Variants in PTPRD observed in about 807,000 individuals in gnomAD.
The protein encoded by PTPRD is receptor-type tyrosine-protein phosphatase delta.
PTPRD carries 34 observed loss-of-function variants against 214.5 expected under a neutral mutation model. The ratio of observed to expected loss-of-function variants is 0.16; its 90% confidence interval spans 0.12 to 0.21. The LOEUF is 0.21. Among genes scored for constraint, PTPRD ranks in the 10% least tolerant of loss-of-function variants. The pLI is 1.00. For synonymous variants in PTPRD, 1,128 were observed against 845.7 expected, an observed-to-expected ratio of 1.33 and a Z score of -5.79; for missense variants, 2,545 against 2,398.7, an observed-to-expected ratio of 1.06 and a Z score of -1.27.
rs186336315 is a variant in PTPRD at position 9,565,867 on chromosome 9, T to C, written c.-237+8865A>G. Among the ~76,000 whole-genome samples, 202 of 152,050 alleles carry C rather than the reference T, an allele frequency of 1.3e-3. 1 individual carries two copies. Among genetic ancestry groups the C allele is most frequent in the Non-Finnish European group, 2.3e-3 (158 of 67,872 alleles). ...ATGGAATACAGAGAAATGAGATAAA[T>C]GAAAATGACCAAGTAACCCTACTTA... On this transcript the variant is annotated intron_variant, in intron 8 of 45. Transcript: ENST00000381196.
At chr9:9,512,412 G>T (rs1019690636) in intron 8 of PTPRD, among the ~76,000 whole-genome samples, 6 of 151,696 alleles carry the variant, frequency 4.0e-5, no homozygotes, top group Admixed American at 3.3e-4. Context: ...CCCTTGAAAA[G>T]GTAGAAGGGT....
At chr9:9,253,805 G>C (rs1265719278) in intron 9 of PTPRD, among the ~76,000 whole-genome samples, 1 of 152,046 alleles carries the variant, frequency 6.6e-6, no homozygotes, top group African/African-American at 2.4e-5. Flanking sequence ...TCACAAACTT[G>C]GTAAGTTAAA....
At chr9:10,597,196 AG>A (rs1173618782) in intron 2 of PTPRD, among the ~76,000 whole-genome samples, 1 of 151,616 alleles carries the variant, frequency 6.6e-6, no homozygotes, top group Non-Finnish European at 1.5e-5. Context: ...AGGACATAAA[AG>A]GGTTCCAAAA....
At chr9:9,748,595 G>A (rs1224521177) in intron 6 of PTPRD, among the ~76,000 whole-genome samples, 1 of 152,160 alleles carries the variant, frequency 6.6e-6, no homozygotes, top group South Asian at 2.1e-4. Context: ...GTACTGCTGA[G>A]GTACTGAAGG....
At chr9:10,480,611 A>G (rs1441035326) in intron 2 of PTPRD, among the ~76,000 whole-genome samples, 1 of 152,104 alleles carries the variant, frequency 6.6e-6, no homozygotes, top group Non-Finnish European at 1.5e-5. Context: ...TATTATCTCA[A>G]AGAAGAGAAT....
intron 8 of PTPRD, among the ~76,000 whole-genome samples, chr9:9,573,307 A>G (rs1554628900): frequency 1.3e-5 from 2 of 151,320 alleles, no homozygotes; most frequent in Non-Finnish European, 3.0e-5. Flanking sequence ...AAGCAAAGAT[A>G]CTTCTTATGT....
intron 11 of PTPRD, among the ~76,000 whole-genome samples, chr9:8,923,614 A>G (rs1292634293): frequency 2.0e-5 from 3 of 152,198 alleles, no homozygotes; most frequent in Non-Finnish European, 4.4e-5. Flanking sequence ...GACCTATTTT[A>G]AAAATGCAAA....
At chr9:9,462,012 C>T (rs181511979) in intron 8 of PTPRD, among the ~76,000 whole-genome samples, 3 of 152,134 alleles carry the variant, frequency 2.0e-5, no homozygotes, top group Admixed American at 2.0e-4. Flanking sequence ...TAGTAGTTGC[C>T]ATAACTTATT....
chr9:9,824,540 T>G (rs1169682512), intron 5 of PTPRD, among the ~76,000 whole-genome samples: 1 of 151,990 alleles, frequency 6.6e-6, no homozygotes, highest in Non-Finnish European at 1.5e-5. Context: ...CTGTAAAAAT[T>G]AATACAGCAA....
intron 2 of PTPRD, among the ~76,000 whole-genome samples, chr9:10,506,713 A>T (rs551785191): frequency 6.6e-6 from 1 of 152,318 alleles, no homozygotes; most frequent in Non-Finnish European, 1.5e-5. Flanking sequence ...TCCTGCAATC[A>T]GTGACATTTC....
At chr9:9,721,976 A>T (rs978015917) in intron 7 of PTPRD, among the ~76,000 whole-genome samples, 1 of 152,062 alleles carries the variant, frequency 6.6e-6, no homozygotes, top group African/African-American at 2.4e-5. Flanking sequence ...GTTTATGCCT[A>T]GATTAAGGTA....
chr9:8,739,798 A>T (rs78471068), intron 11 of PTPRD, among the ~76,000 whole-genome samples: 1 of 152,288 alleles, frequency 6.6e-6, no homozygotes, highest in East Asian at 1.9e-4. Context: ...TAACTGAATT[A>T]TAGGGGCAGG....
At chr9:8,638,844 T>G (rs1429412718) in intron 12 of PTPRD, among the ~76,000 whole-genome samples, 2 of 151,982 alleles carry the variant, frequency 1.3e-5, no homozygotes, top group African/African-American at 4.8e-5. Context: ...TTATTTATTT[T>G]TATTTATTTA....
chr9:9,249,202 C>T (rs997166566), intron 9 of PTPRD, among the ~76,000 whole-genome samples: 2 of 151,970 alleles, frequency 1.3e-5, no homozygotes, highest in Non-Finnish European at 2.9e-5. Context: ...TCTCCTTTCT[C>T]TCTTGCTCCC....
At chr9:8,957,903 A>C (rs1224098239) in intron 11 of PTPRD, among the ~76,000 whole-genome samples, 2 of 151,862 alleles carry the variant, frequency 1.3e-5, no homozygotes, top group Non-Finnish European at 2.9e-5. Context: ...CAAATGAAAA[A>C]AAAAATATCA....
rs73641900 is a variant in PTPRD at position 10,276,767 on chromosome 9, A to G, written c.-545+64196T>C. Among the ~76,000 whole-genome samples the G allele has an allele frequency of 3.5e-3, 529 of 152,314 alleles. 1 individual carries two copies. The highest frequency in any genetic ancestry group is 0.012 in the African/African-American group (503 of 41,564). On this transcript the variant is annotated intron_variant, in intron 3 of 45. Transcript: ENST00000381196. ...AGAAGGCCAGGTAGTAGAGAAAGTA[A>G]AGTACTCTTATTGTTAAAAAATTAT...
intron 10 of PTPRD, among the ~76,000 whole-genome samples, chr9:9,155,212 AT>A (rs2099880189): frequency 6.6e-6 from 1 of 152,126 alleles, no homozygotes; most frequent in Non-Finnish European, 1.5e-5. Context: ...CGGCCTTTTC[AT>A]TTTTTAAATG....
intron 3 of PTPRD, among the ~76,000 whole-genome samples, chr9:10,051,816 G>A (rs1029167514): frequency 2.0e-5 from 3 of 152,022 alleles, no homozygotes; most frequent in Non-Finnish European, 4.4e-5. Context: ...TTCAAATATG[G>A]TTATGTTTTA....
intron 5 of PTPRD, among the ~76,000 whole-genome samples, chr9:9,876,005 G>A (rs911657829): frequency 2.0e-5 from 3 of 152,006 alleles, no homozygotes; most frequent in Non-Finnish European, 2.9e-5. Context: ...TGGTGAGTTT[G>A]CAGGTGCTTA....
Sources: allele counts gnomAD v4.1 joint callset (sites outside exome capture counted in the v4.1 genomes callset), GRCh38; gene constraint gnomAD v4.1.1; transcripts MANE v1.5; gene names NCBI Gene and HGNC (gene_info 2026-07-23, HGNC 2026-07-21).